USH2A: variants seen among roughly 807,000 people sequenced by gnomAD.
USH2A encodes the protein Usher syndrome 2A (autosomal recessive, mild).
In USH2A, 443 loss-of-function variants were observed where a neutral mutation model predicts 538.9. That is an observed-to-expected ratio of 0.82 (90% CI 0.76 to 0.89). The LOEUF is 0.89. Among genes scored for constraint, USH2A ranks in the 40% least tolerant of loss-of-function variants. The pLI, the probability that USH2A is intolerant of heterozygous loss-of-function variation, is 0.00. For synonymous variants in USH2A, 2,413 were observed against 2,273.5 expected, an observed-to-expected ratio of 1.06 and a Z score of -1.75; for missense variants, 6,633 against 6,324.8, an observed-to-expected ratio of 1.05 and a Z score of -1.65.
At chr1:215,656,565 C>T (rs1438796960) in intron 64 of USH2A, among the ~76,000 whole-genome samples, 3 of 152,146 alleles carry the variant, frequency 2.0e-5, no homozygotes, top group African/African-American at 4.8e-5. Context: ...CTGTTAACTC[C>T]TAATGTAAGT....
Position 215,648,736 on chromosome 1 carries a change from G to A in USH2A, c.14374C>T (p.Leu4792Phe). The change falls in exon 66 of 72, where the codon CTC (leucine) becomes TTC (phenylalanine). Residue 4792 changes from leucine to phenylalanine, a missense_variant. Leu to Phe is a conservative substitution (Grantham distance 22). Coordinates refer to ENST00000307340, the MANE Select transcript of USH2A (RefSeq NM_206933.4). ...LSEGMATQQT[L>F]HGLQAFTNYS... is the part of the protein sequence containing the mutation. ...TTAGTGAAGGCTTGAAGGCCATGGA[G>A]AGTCTGCTGGGTGGCCATGCCTTCG... 1 of 1,614,182 alleles carries A rather than the reference G, an allele frequency of 6.2e-7. No homozygotes were observed.
chr1:216,184,676 A>T lies in USH2A; in HGVS notation c.4396+5547T>A, dbSNP rs180946056. On this transcript the variant is annotated intron_variant, in intron 20 of 71. Transcript: ENST00000307340. Reference sequence around the variant, plus strand: ...AATAAAAAGGTAGAAAAATATTTATATTAGTATTCACTAATGACTATATAT... The same window carrying T: ...AATAAAAAGGTAGAAAAATATTTATTTTAGTATTCACTAATGACTATATAT... 2.0e-5 allele frequency among the ~76,000 whole-genome samples: 3 copies of T among 152,126 alleles called. No homozygotes were observed. In the East Asian group the frequency reaches 5.8e-4, roughly 29 times the overall value.
chr1:216,394,856 C>G (rs975382831), intron 3 of USH2A, among the ~76,000 whole-genome samples: 1 of 151,406 alleles, frequency 6.6e-6, no homozygotes, highest in Admixed American at 6.6e-5. Context: ...GTAGCTGGGA[C>G]TACAGGCGCC....
chr1:215,834,549 T>A (rs928949130), intron 47 of USH2A, among the ~76,000 whole-genome samples: 6 of 152,060 alleles, frequency 3.9e-5, no homozygotes, highest in African/African-American at 1.4e-4. Context: ...AGAAGAGGGG[T>A]TAGCAATAAT....
At chr1:216,305,856 G>T (rs970568525) in intron 9 of USH2A, among the ~76,000 whole-genome samples, 7 of 152,150 alleles carry the variant, frequency 4.6e-5, no homozygotes, top group African/African-American at 1.4e-4. Context: ...CTTCTAGCTT[G>T]CAGGGTTTCT....
At chr1:216,086,614 T>C (rs1406332041) in intron 24 of USH2A, 105 bp downstream of exon 24, 2 of 998,004 alleles carry the variant, frequency 2.0e-6, no homozygotes, top group Non-Finnish European at 3.0e-6. Context: ...ATATAGAAAA[T>C]ATAGCATGAG....
intron 11 of USH2A, among the ~76,000 whole-genome samples, chr1:216,280,558 T>C (rs1015514792): frequency 6.6e-6 from 1 of 152,176 alleles, no homozygotes; most frequent in East Asian, 1.9e-4. Context: ...ATTATTACTC[T>C]TCATTTTCCT....
chr1:215,898,308 C>T (rs964926306), intron 40 of USH2A, among the ~76,000 whole-genome samples: 1 of 152,186 alleles, frequency 6.6e-6, no homozygotes, highest in Non-Finnish European at 1.5e-5. Flanking sequence ...AATACCACAA[C>T]AATGGAGGGT....
Position 215,622,926 on chromosome 1 carries a change from C to CTT in USH2A, c.*2853_*2854dup, listed in dbSNP as rs1288071680. On this transcript the variant is annotated 3_prime_UTR_variant, in exon 72 of 72. Transcript: ENST00000307340. ...TTCAAATATTTATTAAGCAAACCAT[C>CTT]TTTAGATTAGTTTACATGATATTTG... is the stretch of plus-strand genomic sequence containing the variant. The CTT allele has an allele frequency of 6.6e-6, 1 of 152,112 alleles. No homozygotes were observed. Among genetic ancestry groups the CTT allele is most frequent in the Non-Finnish European group, 1.5e-5 (1 of 68,006 alleles). 9.4% of individuals were successfully genotyped at this position (152,112 alleles called of 1,614,324 possible).
At chr1:216,190,525 C>T (rs1378092714) in intron 19 of USH2A, among the ~76,000 whole-genome samples, 158 bp from the exon 20 acceptor site, 6 of 148,630 alleles carry the variant, frequency 4.0e-5, no homozygotes, top group African/African-American at 1.2e-4. Flanking sequence ...TGAAGAGTCT[C>T]GACAAGCCAG....
chr1:215,798,678 A>C (rs917655571), intron 50 of USH2A, among the ~76,000 whole-genome samples: 5 of 152,146 alleles, frequency 3.3e-5, no homozygotes, highest in Non-Finnish European at 7.3e-5. Context: ...GGAGGACATG[A>C]CCTTTTCAAG....
chr1:215,730,079 G>C (rs149004525), intron 60 of USH2A, among the ~76,000 whole-genome samples: 404 of 152,254 alleles, frequency 2.7e-3, no homozygotes, highest in African/African-American at 9.5e-3. Flanking sequence ...GGAAACTAGG[G>C]CCAAATGCAT....
At chr1:216,025,969 T>C (rs1668954538) in intron 32 of USH2A, among the ~76,000 whole-genome samples, 2 of 152,018 alleles carry the variant, frequency 1.3e-5, no homozygotes, top group Non-Finnish European at 2.9e-5. Flanking sequence ...ATGTATACAA[T>C]AGGGAGGGAA....
chr1:215,871,809 C>T (rs12092861), intron 43 of USH2A, among the ~76,000 whole-genome samples: 5,667 of 152,126 alleles, frequency 0.037, 361 homozygotes, highest in African/African-American at 0.13. Context: ...GAAGTCTTCA[C>T]GGAGGAGGTA....
intron 3 of USH2A, among the ~76,000 whole-genome samples, chr1:216,411,301 T>G (rs2039485947): frequency 6.6e-6 from 1 of 152,186 alleles, no homozygotes; most frequent in African/African-American, 2.4e-5. Flanking sequence ...CCCAGTTGGA[T>G]CCTATGCATT....
chr1:216,306,209 T>A (rs1054075025), intron 9 of USH2A, among the ~76,000 whole-genome samples: 9 of 136,528 alleles, frequency 6.6e-5, no homozygotes, highest in African/African-American at 1.0e-4. Context: ...TTCATTTAAT[T>A]TTTTTTTTTC....
intron 6 of USH2A, among the ~76,000 whole-genome samples, 188 bp from the exon 7 acceptor site, chr1:216,324,540 T>C (rs1251855106): frequency 6.6e-6 from 1 of 152,154 alleles, no homozygotes; most frequent in Non-Finnish European, 1.5e-5. Context: ...TAATTGTGTA[T>C]CTGTTCATTT....
chr1:216,271,385 GT>G (rs897845442), intron 11 of USH2A, among the ~76,000 whole-genome samples: 5 of 152,114 alleles, frequency 3.3e-5, no homozygotes, highest in African/African-American at 1.2e-4. Context: ...GGAGAGTAGT[GT>G]GAGGAGGGGA....
intron 43 of USH2A, among the ~76,000 whole-genome samples, chr1:215,867,539 A>C (rs1035722619): frequency 2.0e-5 from 3 of 152,246 alleles, no homozygotes; most frequent in South Asian, 2.1e-4. Flanking sequence ...CCAGCTTTCT[A>C]TCTGAATTTG....
Sources: gnomAD v4.1 joint callset for allele counts (sites outside exome capture counted in the v4.1 genomes callset) on GRCh38, gnomAD v4.1.1 for gene constraint, MANE v1.5 for transcripts, NCBI Gene and HGNC (gene_info 2026-07-23, HGNC 2026-07-21) for gene names.